TRERF1: variants seen among roughly 807,000 people sequenced by gnomAD.
The protein encoded by TRERF1 is transcriptional-regulating factor 1.
Under a neutral mutation model 122.9 loss-of-function variants are expected in TRERF1, and 27 were observed. The observed-to-expected ratio is 0.22, with a 90% CI of 0.16 to 0.30. The LOEUF is 0.30. TRERF1 is among the 10% of genes least tolerant of loss of function. The pLI, the probability that TRERF1 is intolerant of heterozygous loss-of-function variation, is 1.00. For synonymous variants in TRERF1, 636 were observed against 641.7 expected (o/e 0.99, Z 0.13); for missense variants, 1,248 against 1,560.3 (o/e 0.80, Z 3.37).
chr6:42,348,500 G>A (rs966753462), intron 3 of TRERF1, among the ~76,000 whole-genome samples: 2 of 152,086 alleles, frequency 1.3e-5, no homozygotes, highest in African/African-American at 4.8e-5. Flanking sequence ...TGATCCACCT[G>A]CCTTGACCTC....
At chr6:42,285,047 G>A (rs1317687659) in intron 4 of TRERF1, among the ~76,000 whole-genome samples, 2 of 152,158 alleles carry the variant, frequency 1.3e-5, no homozygotes, top group African/African-American at 4.8e-5. Flanking sequence ...AAGGGATGGG[G>A]TTGAATCTGT....
Position 42,263,430 on chromosome 6 carries a change from G to C in TRERF1, c.1774C>G (p.Leu592Val). ...TGAGAGCTGGGCTTGGGCGGGAGAA[G>C]CTTGACAGGGACAGACACGGGCATG... is the stretch of plus-strand genomic sequence containing the variant. The change falls in exon 8 of 18, where the codon CTT (leucine) becomes GTT (valine). Residue 592 changes from leucine to valine, a missense_variant. Around this residue, in one of 5 missense-constraint regions of TRERF1, gnomAD observed 946 missense variants for 1,073.0 expected, o/e 0.88. Coordinates refer to ENST00000372922, the Ensembl canonical transcript of TRERF1. The surrounding 1 kb of genome is among the most constrained non-coding windows in gnomAD (Gnocchi z 5.6). The C allele has an allele frequency of 6.2e-7, 1 of 1,612,084 alleles. No homozygotes were observed. The highest frequency in any genetic ancestry group is 8.5e-7 in the Non-Finnish European group (1 of 1,179,112).
chr6:42,426,651 G>C (rs528652368), intron 2 of TRERF1, among the ~76,000 whole-genome samples: 9 of 152,198 alleles, frequency 5.9e-5, no homozygotes, highest in Admixed American at 2.0e-4. Context: ...AATATGACCT[G>C]CTGCTAAACC....
intron 17 of TRERF1, among the ~76,000 whole-genome samples, chr6:42,231,709 T>TG (rs1431597233): frequency 6.6e-6 from 1 of 152,232 alleles, no homozygotes; most frequent in Non-Finnish European, 1.5e-5. Flanking sequence ...AATTCTCTAC[T>TG]GGAGGCTGTG....
At chr6:42,417,223 T>C (rs1489849062) in intron 2 of TRERF1, among the ~76,000 whole-genome samples, 1 of 152,126 alleles carries the variant, frequency 6.6e-6, no homozygotes, top group Non-Finnish European at 1.5e-5. Context: ...GAAACTCGCC[T>C]TACCTTCTCT....
intron 14 of TRERF1, among the ~76,000 whole-genome samples, chr6:42,244,167 T>G (rs1270503121): frequency 6.7e-6 from 1 of 148,624 alleles, no homozygotes; most frequent in African/African-American, 2.5e-5. Context: ...AGGCATTGAG[T>G]CACAACACCC....
At chr6:42,398,935 C>A (rs1033674541) in intron 2 of TRERF1, among the ~76,000 whole-genome samples, 1 of 152,198 alleles carries the variant, frequency 6.6e-6, no homozygotes, top group Non-Finnish European at 1.5e-5. Context: ...GGCCTGGAAC[C>A]TACATTGTGT....
chr6:42,310,079 T>C (rs771521751), intron 3 of TRERF1, among the ~76,000 whole-genome samples: 84 of 150,924 alleles, frequency 5.6e-4, no homozygotes, highest in South Asian at 2.1e-3. Context: ...TAAACTTAAC[T>C]CAGCTTTTCA....
chr6:42,257,621 T>C (rs1277722290), intron 10 of TRERF1, among the ~76,000 whole-genome samples: 1 of 152,218 alleles, frequency 6.6e-6, no homozygotes, highest in African/African-American at 2.4e-5. Flanking sequence ...TGTTGGAACT[T>C]AGGTTTTTTG....
chr6:42,256,130 TAAAAAAAAAA>T (rs11376682), intron 12 of TRERF1, among the ~76,000 whole-genome samples: 2 of 112,638 alleles, frequency 1.8e-5, no homozygotes, highest in East Asian at 5.0e-4. Context: ...GACTCCATCT[TAAAAAAAAAA>T]AAAAAAAAAA....
At chr6:42,355,041 T>A (rs1770235354) in intron 3 of TRERF1, among the ~76,000 whole-genome samples, 1 of 152,208 alleles carries the variant, frequency 6.6e-6, no homozygotes, top group African/African-American at 2.4e-5. Flanking sequence ...CATCTACAAC[T>A]AAGCAATCTG....
rs1780963399 is a variant in TRERF1, at chr6:42,275,298, C to T, written c.-258-5450G>A. Among the ~76,000 whole-genome samples the T allele has an allele frequency of 6.6e-6, 1 of 152,210 alleles. No homozygotes were observed. On this transcript the variant is annotated intron_variant, in intron 4 of 17. Transcript: ENST00000372922. The surrounding 1 kb of genome is among the most constrained non-coding windows in gnomAD (Gnocchi z 4.1). Reference sequence around the variant, plus strand: ...GGGTAATTTGTACCAGGAGCTTTTTCATTCATGAACTAATTAACAGAACTG... The same window carrying T: ...GGGTAATTTGTACCAGGAGCTTTTTTATTCATGAACTAATTAACAGAACTG...
Position 42,262,156 on chromosome 6 carries a change from C to A in TRERF1, c.1884+1164G>T, listed in dbSNP as rs558755966. On this transcript the variant is annotated intron_variant, in intron 8 of 17. Transcript: ENST00000372922. The stretch of plus-strand genomic sequence containing the variant: ...ATTTCATCTCTCTGCCTGTTGCTGA[C>A]CCCCAAGTCCTGACGGCTTATGAGA... Among the ~76,000 whole-genome samples the A allele has an allele frequency of 3.9e-5, 6 of 152,222 alleles. No homozygotes were observed. In the East Asian group the frequency reaches 1.2e-3, roughly 29 times the overall value.
chr6:42,396,228 A>G (rs1235925320), intron 2 of TRERF1, among the ~76,000 whole-genome samples: 4 of 152,184 alleles, frequency 2.6e-5, no homozygotes, highest in Admixed American at 6.5e-5. Flanking sequence ...TGAAGCTCTC[A>G]TATGTGTGAC....
At chr6:42,237,396 T>G (rs9462790) in intron 15 of TRERF1, among the ~76,000 whole-genome samples, 1 of 152,216 alleles carries the variant, frequency 6.6e-6, no homozygotes, top group Non-Finnish European at 1.5e-5. Flanking sequence ...TGAGGGCTGC[T>G]GGCTCCTGCA....
chr6:42,233,576 C>T (rs1390730294), intron 16 of TRERF1, among the ~76,000 whole-genome samples: 3 of 152,162 alleles, frequency 2.0e-5, no homozygotes, highest in Non-Finnish European at 4.4e-5. Context: ...TGAGCCACCA[C>T]GCCTGGCCTC....
chr6:42,421,800 A>T (rs1782800561), intron 2 of TRERF1, among the ~76,000 whole-genome samples: 1 of 152,042 alleles, frequency 6.6e-6, no homozygotes, highest in Admixed American at 6.6e-5. Context: ...AATTAATTAA[A>T]TTAAATAAAT....
chr6:42,283,575 C>CA (rs144465763), intron 4 of TRERF1, among the ~76,000 whole-genome samples: 3,873 of 131,984 alleles, frequency 0.029, 159 homozygotes, highest in African/African-American at 0.1. Context: ...ACATTACTTA[C>CA]AAAAAAAACC....
chr6:42,266,488 C>T (rs1285844310), intron 5 of TRERF1, among the ~76,000 whole-genome samples: 1 of 152,162 alleles, frequency 6.6e-6, no homozygotes, highest in Non-Finnish European at 1.5e-5. Flanking sequence ...CATATCTGGC[C>T]CTGGAATTCT....
Sources: allele counts gnomAD v4.1 joint callset (sites outside exome capture counted in the v4.1 genomes callset), GRCh38; gene constraint gnomAD v4.1.1; regional missense constraint gnomAD v4.1.1; non-coding constraint Gnocchi (gnomAD v3.1); transcripts MANE v1.5; gene names NCBI Gene and HGNC (gene_info 2026-07-23, HGNC 2026-07-21).